MCOLN1: variants seen among roughly 807,000 people sequenced by gnomAD.
MCOLN1 encodes mucolipin TRP cation channel 1, also known as mucolipin-1.
Under a neutral mutation model 70.3 loss-of-function variants are expected in MCOLN1, and 50 were observed. The ratio of observed to expected loss-of-function variants is 0.71; its 90% CI spans 0.57 to 0.90. The LOEUF is 0.90. Among genes scored for constraint, MCOLN1 ranks in the 40% least tolerant of loss-of-function variants. The probability of loss-of-function intolerance (pLI) is 0.00; values close to 1 mark genes in which losing one functional copy is unlikely to be tolerated. For missense variants in MCOLN1, 598 were observed against 803.5 expected, an observed-to-expected ratio of 0.74 and a Z score of 3.09; for synonymous variants, 366 against 341.0, an observed-to-expected ratio of 1.07 and a Z score of -0.81.
At chr19:7,522,926 G>C in intron 1 of MCOLN1, 145 bp downstream of exon 1, 1 of 699,250 alleles carries the variant, frequency 1.4e-6, no homozygotes, top group East Asian at 3.5e-5. Flanking sequence ...ACGGCTCCTA[G>C]AACTTGGGCG....
At chr19:7,529,506 G>GCCCCTCCCCCC in intron 10 of MCOLN1, 84 bp from the exon 11 acceptor site, 3 of 280,230 alleles carry the variant, frequency 1.1e-5, no homozygotes, top group Admixed American at 5.2e-5. Context: ...GCAAGGCCCC[G>GCCCCTCCCCCC]CCCCTCCCAC....
intron 12 of MCOLN1, among the ~76,000 whole-genome samples, chr19:7,531,167 G>T (rs1428702156): frequency 6.6e-6 from 1 of 152,116 alleles, no homozygotes; most frequent in Non-Finnish European, 1.5e-5. Flanking sequence ...CAAAGTGCTG[G>T]GATTACAGGC....
chr19:7,527,343 G>T (rs1051292461), intron 4 of MCOLN1, among the ~76,000 whole-genome samples, 177 bp from the exon 5 acceptor site: 5 of 150,370 alleles, frequency 3.3e-5, no homozygotes, highest in African/African-American at 1.2e-4. Flanking sequence ...GAAAGCACCA[G>T]ATGTTATATT....
intron 12 of MCOLN1, among the ~76,000 whole-genome samples, chr19:7,533,016 C>T (rs1053489676): frequency 1.3e-5 from 2 of 152,222 alleles, no homozygotes; most frequent in African/African-American, 4.8e-5. Flanking sequence ...TGGCTGGGAC[C>T]CTGCCACATC....
intron 12 of MCOLN1, 117 bp from the exon 13 acceptor site, chr19:7,533,406 G>C: frequency 2.1e-6 from 3 of 1,407,984 alleles, no homozygotes; most frequent in South Asian, 1.3e-5. Context: ...GGCCCAGCAA[G>C]TGCAAAGGCC....
At chr19:7,533,406 G>A in intron 12 of MCOLN1, 117 bp from the exon 13 acceptor site, 1 of 1,407,984 alleles carries the variant, frequency 7.1e-7, no homozygotes, top group Non-Finnish European at 9.8e-7. Context: ...GGCCCAGCAA[G>A]TGCAAAGGCC....
intron 12 of MCOLN1, among the ~76,000 whole-genome samples, chr19:7,530,886 A>C (rs1301199488): frequency 1.3e-5 from 2 of 152,094 alleles, no homozygotes; most frequent in Non-Finnish European, 1.5e-5. Flanking sequence ...GACTACAGGC[A>C]CACGCCACCA....
intron 12 of MCOLN1, 70 bp downstream of exon 12, chr19:7,530,571 G>A: frequency 7.3e-7 from 1 of 1,361,574 alleles, no homozygotes; most frequent in Non-Finnish European, 1.0e-6. Context: ...GGGGGTCTTG[G>A]GGACACCGCA....
chr19:7,523,187 G>T (rs982395615), intron 1 of MCOLN1, among the ~76,000 whole-genome samples: 2 of 152,242 alleles, frequency 1.3e-5, no homozygotes, highest in African/African-American at 4.8e-5. Context: ...CAAATGCTCA[G>T]CTTCCCTAAG....
At chr19:7,533,469 G>A in intron 12 of MCOLN1, 54 bp from the exon 13 acceptor site, 1 of 1,606,066 alleles carries the variant, frequency 6.2e-7, no homozygotes, top group Non-Finnish European at 8.5e-7. Context: ...GACTTCAAGG[G>A]CCTTGGAGGT....
At chr19:7,529,523 C>CCCAA in intron 10 of MCOLN1, 67 bp from the exon 11 acceptor site, 7 of 1,156,262 alleles carry the variant, frequency 6.1e-6, no homozygotes, top group African/African-American at 1.5e-5. Context: ...CCACCCCCAT[C>CCCAA]TGGGTGCCCA....
At chr19:7,530,986 T>G (rs1489803025) in intron 12 of MCOLN1, among the ~76,000 whole-genome samples, 1 of 152,160 alleles carries the variant, frequency 6.6e-6, no homozygotes, top group Non-Finnish European at 1.5e-5. Flanking sequence ...GGAGATCTAC[T>G]GCCTTGGCCT....
At position 7,525,355 on chromosome 19, in the gene MCOLN1, G is replaced by C. The variant is rs372828050; in HGVS notation, c.237+189G>C. 4 of 581,678 alleles carry C rather than the reference G, an allele frequency of 6.9e-6. No individual in the cohort carries two copies. The highest frequency in any genetic ancestry group is 1.9e-5 in the African/African-American group (1 of 53,984). 36.0% of individuals were successfully genotyped at this position (581,678 alleles called of 1,614,324 possible). A position where few individuals can be genotyped will look rare whatever the true frequency, so the allele number is the denominator to read the frequency against. On this transcript the variant is annotated intron_variant, in intron 2 of 13. Coordinates refer to ENST00000264079, the MANE Select transcript of MCOLN1 (RefSeq NM_020533.3). The surrounding 1 kb of genome is among the most constrained non-coding windows in gnomAD (Gnocchi z 4.2). ...AAAAATACAAAAAAATTAGCCGTGC[G>C]TGGTGGCGGGTGCCTGTAATCCCAG... is the stretch of plus-strand genomic sequence containing the variant.
Position 7,526,907 on chromosome 19 carries a change from T to G in MCOLN1, c.552T>G (p.Ile184Met). 1 of 1,613,810 alleles carries G rather than the reference T, an allele frequency of 6.2e-7. No individual in the cohort carries two copies. Among genetic ancestry groups the G allele is most frequent in the Non-Finnish European group, 8.5e-7 (1 of 1,179,966 alleles). ...ACCCGGCCAACGACACATTTGACAT[T>G]GATCCGATGGTGGTTACTGGTGAGT... ...HVDPANDTFD[I>M]DPMVVTDCIQ... Residue 184 changes from isoleucine to methionine, a missense_variant, in exon 4 of 14, where the codon ATT (isoleucine) becomes ATG (methionine). Physicochemically the swap from Ile to Met is conservative, Grantham distance 10 (BLOSUM62 1). Around this residue, in one of 3 missense-constraint regions of MCOLN1, gnomAD observed 461 missense variants for 588.4 expected, o/e 0.78. Transcript: ENST00000264079. The surrounding 1 kb of genome is among the most constrained non-coding windows in gnomAD (Gnocchi z 4.6).
intron 5 of MCOLN1, 80 bp from the exon 6 acceptor site, chr19:7,527,784 C>A: frequency 7.9e-7 from 1 of 1,261,582 alleles, no homozygotes; most frequent in Non-Finnish European, 1.2e-6. Context: ...GCAGAGTCAG[C>A]ACGTGGCAGG....
Position 7,526,241 on chromosome 19 carries a change from A to G in MCOLN1, c.238-198A>G. 1.5e-6 allele frequency: 1 copy of G among 667,352 alleles called. No individual in the cohort carries two copies. The highest frequency in any genetic ancestry group is 1.7e-5 in the South Asian group (1 of 58,650). The allele number at this position is 667,352 out of a possible 1,614,324, so 41.3% of individuals were successfully genotyped here. A position where few individuals can be genotyped will look rare whatever the true frequency, so the allele number is the denominator to read the frequency against. Reference sequence around the variant, plus strand: ...GTGGGCGTGGCATGGAGCTTATGCCAGGAGGTGGGGTGAAATTAATCAAAG... The same window carrying G: ...GTGGGCGTGGCATGGAGCTTATGCCGGGAGGTGGGGTGAAATTAATCAAAG... On this transcript the variant is annotated intron_variant, in intron 2 of 13. Transcript: ENST00000264079. This position sits in a 1 kb window ranked among gnomAD's most constrained non-coding sequence, Gnocchi z 4.6.
rs1319588522 is a variant in MCOLN1, at chr19:7,530,324, G to A, written c.1398G>A (p.Ser466=). ...CCATGGTGTCTGAGTGCCTGTTCTC[G>A]CTCATCAATGGGGACGACATGTTTG... The part of the protein sequence containing the change: ...SLSMVSECLF[S]LINGDDMFVT... Residue 466 remains serine, a synonymous_variant, in exon 12 of 14, where the codon TCG becomes TCA. Coordinates refer to ENST00000264079, the MANE Select transcript of MCOLN1 (RefSeq NM_020533.3). 13 of 1,613,460 alleles carry A rather than the reference G, an allele frequency of 8.1e-6. No homozygotes were observed. Among genetic ancestry groups the A allele is most frequent in the African/African-American group, 2.7e-5 (2 of 74,948 alleles).
intron 10 of MCOLN1, 149 bp downstream of exon 10, chr19:7,529,351 T>A: frequency 1.1e-6 from 1 of 922,286 alleles, no homozygotes; most frequent in Non-Finnish European, 1.7e-6. Context: ...TATCTGTCAC[T>A]GCACCTGCGC....
chr19:7,526,540 G>A lies in MCOLN1; in HGVS notation c.339G>A (p.Ala113=), dbSNP rs180687633. ...HLFLLGYSDG[A]DDTFAAYTRE... ...TCCTGCTGGGCTACTCGGACGGAGCGGATGACACCTTCGCAGCCTACACGC... is the reference window on the plus strand; with the variant it reads ...TCCTGCTGGGCTACTCGGACGGAGCAGATGACACCTTCGCAGCCTACACGC... Residue 113 remains alanine (A), a synonymous_variant, in exon 3 of 14, where the codon GCG becomes GCA. Transcript: ENST00000264079. The surrounding 1 kb of genome is among the most constrained non-coding windows in gnomAD (Gnocchi z 4.6). 8.0e-5 allele frequency: 129 copies of A among 1,614,174 alleles called. 1 individual carries two copies. The highest frequency in any genetic ancestry group is 6.5e-4 in the South Asian group (59 of 91,092).
Sources: gnomAD v4.1 joint callset for allele counts (sites outside exome capture counted in the v4.1 genomes callset) on GRCh38, gnomAD v4.1.1 for gene constraint, gnomAD v4.1.1 regional missense constraint, Gnocchi (gnomAD v3.1) non-coding constraint, MANE v1.5 for transcripts, NCBI Gene and HGNC (gene_info 2026-07-23, HGNC 2026-07-21) for gene names.